LUZP2: variants seen among roughly 807,000 people sequenced by gnomAD.
LUZP2 encodes the protein leucine zipper protein 2.
A neutral mutation model predicts 51.6 loss-of-function variants in LUZP2; 52 were observed. That is an observed-to-expected ratio of 1.01 (90% CI 0.81 to 1.27). The LOEUF is 1.27. LUZP2 is among the 50% of genes most tolerant of loss of function. The pLI, the probability that LUZP2 is intolerant of heterozygous loss-of-function variation, is 0.00. For synonymous variants in LUZP2, 154 were observed against 137.3 expected (o/e 1.12, Z -0.85); for missense variants, 436 against 395.4 (o/e 1.10, Z -0.87).
At chr11:24,795,081 G>T (rs570357599) in intron 5 of LUZP2, among the ~76,000 whole-genome samples, 8 of 152,118 alleles carry the variant, frequency 5.3e-5, no homozygotes, top group African/African-American at 1.9e-4. Flanking sequence ...CAAAATGTTC[G>T]ACTTTACTGA....
intron 9 of LUZP2, among the ~76,000 whole-genome samples, chr11:25,029,325 A>C (rs1857580699): frequency 6.6e-6 from 1 of 152,190 alleles, no homozygotes; most frequent in Non-Finnish European, 1.5e-5. Context: ...GAATCAAAAC[A>C]TCTCATGTAC....
intron 5 of LUZP2, among the ~76,000 whole-genome samples, chr11:24,865,398 A>G (rs1236625491): frequency 6.6e-6 from 1 of 152,200 alleles, no homozygotes; most frequent in African/African-American, 2.4e-5. Flanking sequence ...CAGATAAATC[A>G]TTGTCCTGGT....
rs539421692 is a variant in LUZP2, at chr11:24,920,805, G to A, written c.522+6267G>A. Among the ~76,000 whole-genome samples the A allele has an allele frequency of 2.0e-5, 3 of 152,098 alleles. No individual in the cohort carries two copies. The South Asian group carries it at 6.2e-4, about 32-fold the overall frequency. ...GAGTACTCAGAAGGGTTGTGGGGAA[G>A]GAAGGTACTGGAAGATGAGAAATTA... On this transcript the variant is annotated intron_variant, in intron 7 of 11. Transcript: ENST00000336930.
intron 9 of LUZP2, among the ~76,000 whole-genome samples, chr11:24,998,909 A>ATTTTAAAATAGTTTAAAATTTTAAAACTG (rs1276380358): frequency 6.6e-6 from 1 of 152,136 alleles, no homozygotes; most frequent in African/African-American, 2.4e-5. Flanking sequence ...TTTTAAAACT[A>ATTTTAAAATAGTTTAAAATTTTAAAACTG]TTTTAAAATA....
chr11:24,994,051 G>T (rs1223893947), intron 9 of LUZP2, among the ~76,000 whole-genome samples: 1 of 152,012 alleles, frequency 6.6e-6, no homozygotes, highest in Non-Finnish European at 1.5e-5. Context: ...AGTAAAGATG[G>T]GGTTTCACCA....
intron 1 of LUZP2, among the ~76,000 whole-genome samples, chr11:24,572,895 G>T: frequency 6.6e-6 from 1 of 151,938 alleles, no homozygotes; most frequent in East Asian, 1.9e-4. Context: ...TTTCATTCTG[G>T]ATTCTGAGCG....
intron 9 of LUZP2, among the ~76,000 whole-genome samples, chr11:25,019,734 A>C (rs1857274729): frequency 6.6e-6 from 1 of 152,074 alleles, no homozygotes; most frequent in Admixed American, 6.6e-5. Context: ...ATTGAGCTTA[A>C]GATTTTATCA....
chr11:24,706,017 G>T (rs969402046), intron 1 of LUZP2, among the ~76,000 whole-genome samples: 2 of 151,670 alleles, frequency 1.3e-5, no homozygotes, highest in Non-Finnish European at 2.9e-5. Context: ...GGCTTGTAAC[G>T]CCCAGGGTGA....
intron 9 of LUZP2, among the ~76,000 whole-genome samples, chr11:25,046,405 A>G (rs756874109): frequency 6.6e-6 from 1 of 152,132 alleles, no homozygotes; most frequent in Non-Finnish European, 1.5e-5. Flanking sequence ...ATTGGGAAAT[A>G]CAATTTAAAT....
chr11:24,772,591 C>T (rs1490452014), intron 5 of LUZP2, among the ~76,000 whole-genome samples: 1 of 152,070 alleles, frequency 6.6e-6, no homozygotes, highest in Admixed American at 6.5e-5. Context: ...AATTTCGTAT[C>T]CAGCATGTGA....
In LUZP2 at chr11:24,958,401, C is replaced by T. The variant is rs1261843490; in HGVS notation, c.523-18190C>T. Among the ~76,000 whole-genome samples the T allele has an allele frequency of 7.2e-5, 11 of 152,224 alleles. No homozygotes were observed. The East Asian group carries it at 2.1e-3, about 29-fold the overall frequency. On this transcript the variant is annotated intron_variant, in intron 7 of 11. Coordinates refer to ENST00000336930, the MANE Select transcript of LUZP2 (RefSeq NM_001009909.4). ...AAAAGTGTTCCTATTTCTCCACATCCTCTCCAGCACCTGTTGTTTCCTGAC... is the reference window on the plus strand; with the variant it reads ...AAAAGTGTTCCTATTTCTCCACATCTTCTCCAGCACCTGTTGTTTCCTGAC...
chr11:24,720,200 A>G (rs1484009782), intron 1 of LUZP2, among the ~76,000 whole-genome samples: 1 of 152,038 alleles, frequency 6.6e-6, no homozygotes, highest in Non-Finnish European at 1.5e-5. Flanking sequence ...CTCCTCATTC[A>G]GGGAAGAAAG....
chr11:24,834,994 G>A (rs1013938386), intron 5 of LUZP2, among the ~76,000 whole-genome samples: 1 of 151,868 alleles, frequency 6.6e-6, no homozygotes, highest in African/African-American at 2.4e-5. Flanking sequence ...CTGGATATTA[G>A]ACCCCTGTCA....
At chr11:24,830,463 G>A (rs550465235) in intron 5 of LUZP2, among the ~76,000 whole-genome samples, 5 of 152,240 alleles carry the variant, frequency 3.3e-5, no homozygotes, top group South Asian at 2.1e-4. Context: ...GGCCTCATTG[G>A]TCTGTCTCCA....
At chr11:24,759,251 A>G (rs1204480399) in intron 4 of LUZP2, among the ~76,000 whole-genome samples, 1 of 152,138 alleles carries the variant, frequency 6.6e-6, no homozygotes, top group Non-Finnish European at 1.5e-5. Context: ...TTTGAATCTC[A>G]TTAAAAATAA....
intron 9 of LUZP2, among the ~76,000 whole-genome samples, chr11:25,048,446 T>C (rs1176382824): frequency 6.6e-6 from 1 of 152,184 alleles, no homozygotes; most frequent in Non-Finnish European, 1.5e-5. Flanking sequence ...ATATTAGAGT[T>C]ACTTATGTGA....
At chr11:24,952,904 C>T (rs1855117328) in intron 7 of LUZP2, among the ~76,000 whole-genome samples, 1 of 151,744 alleles carries the variant, frequency 6.6e-6, no homozygotes. Flanking sequence ...CTCTTTGGCC[C>T]ATCTCTGTGG....
chr11:24,509,259 C>T (rs1850230962), intron 1 of LUZP2, among the ~76,000 whole-genome samples: 1 of 151,964 alleles, frequency 6.6e-6, no homozygotes, highest in South Asian at 2.1e-4. Flanking sequence ...TAATAACAGC[C>T]AGATTTTTCT....
chr11:24,801,623 GA>G, intron 5 of LUZP2, among the ~76,000 whole-genome samples: 1 of 151,604 alleles, frequency 6.6e-6, no homozygotes, highest in Non-Finnish European at 1.5e-5. Context: ...AGGAGATTCG[GA>G]AAATGCTACG....
Sources: gnomAD v4.1 joint callset for allele counts (sites outside exome capture counted in the v4.1 genomes callset) on GRCh38, gnomAD v4.1.1 for gene constraint, MANE v1.5 for transcripts, NCBI Gene and HGNC (gene_info 2026-07-23, HGNC 2026-07-21) for gene names.